CEP135: variants seen among roughly 807,000 people sequenced by gnomAD.
The protein encoded by CEP135 is centrosomal protein 135, also known as centrosomal protein of 135 kDa.
A neutral mutation model predicts 157.3 loss-of-function variants in CEP135; 142 were observed. The observed-to-expected ratio is 0.90, with a 90% CI of 0.79 to 1.04. CEP135 has a LOEUF of 1.04. Ranked by LOEUF, CEP135 falls within the 50% of genes least tolerant of loss-of-function variation. The probability of loss-of-function intolerance (pLI) is 0.00; values close to 1 mark genes in which losing one functional copy is unlikely to be tolerated. For synonymous variants in CEP135, 396 were observed against 439.8 expected (o/e 0.90, Z 1.25); for missense variants, 1,317 against 1,309.2 (o/e 1.01, Z -0.09).
chr4:55,983,637 T>C (rs1363772670), intron 13 of CEP135, among the ~76,000 whole-genome samples: 1 of 137,136 alleles, frequency 7.3e-6, no homozygotes, highest in Non-Finnish European at 1.5e-5. Flanking sequence ...CACAATAGCC[T>C]CTTTTTTTTT....
At chr4:55,968,946 C>T (rs1366547162) in intron 8 of CEP135, 117 bp from the exon 9 acceptor site, 3 of 649,472 alleles carry the variant, frequency 4.6e-6, no homozygotes, top group African/African-American at 3.8e-5. Context: ...GATAAAGCCT[C>T]AGATCTCACT....
At chr4:56,008,926 C>T (rs1469327696) in intron 18 of CEP135, among the ~76,000 whole-genome samples, 2 of 152,168 alleles carry the variant, frequency 1.3e-5, no homozygotes, top group African/African-American at 4.8e-5. Flanking sequence ...GAGACAAGGT[C>T]TCACTCTGTC....
At chr4:56,025,273 T>G (rs1473076414) in intron 25 of CEP135, among the ~76,000 whole-genome samples, 1 of 152,156 alleles carries the variant, frequency 6.6e-6, no homozygotes, top group Non-Finnish European at 1.5e-5. Context: ...GTCCATGCAT[T>G]TTATCGTATA....
chr4:55,999,207 T>G, intron 15 of CEP135, 95 bp from the exon 16 acceptor site: 2 of 929,196 alleles, frequency 2.2e-6, no homozygotes, highest in East Asian at 5.3e-5. Context: ...ACTTTAAAAA[T>G]AAGACATCAA....
At chr4:56,012,346 G>A (rs1404233859) in intron 21 of CEP135, among the ~76,000 whole-genome samples, 4 of 152,244 alleles carry the variant, frequency 2.6e-5, no homozygotes, top group South Asian at 2.1e-4. Context: ...ATGAGCCACC[G>A]CACCCGGCCT....
chr4:56,014,309 G>A (rs1295028749), intron 21 of CEP135, among the ~76,000 whole-genome samples: 2 of 152,198 alleles, frequency 1.3e-5, no homozygotes, highest in Non-Finnish European at 2.9e-5. Context: ...GACTGAAAGA[G>A]TTTTGAAGTG....
rs573159640 is a variant in CEP135 at position 55,980,099 on chromosome 4, A to G, written c.1474-44A>G. ...TCTCATCATCAGTATCCTTGTGACA[A>G]CCATGTGGTGATGATTATATTTTGT... is the stretch of plus-strand genomic sequence containing the variant. On this transcript the variant is annotated intron_variant, in intron 11 of 25. Coordinates refer to ENST00000257287, the MANE Select transcript of CEP135 (RefSeq NM_025009.5). The G allele has an allele frequency of 4.0e-6, 6 of 1,487,646 alleles. No homozygotes were observed. The South Asian group carries it at 5.9e-5, about 15-fold the overall frequency. The allele number at this position is 1,487,646 out of a possible 1,614,324, so 92.2% of individuals were successfully genotyped here. A position where few individuals can be genotyped will look rare whatever the true frequency, so the allele number is the denominator to read the frequency against.
Position 55,964,442 on chromosome 4 carries a change from G to A in CEP135, c.828+40G>A, listed in dbSNP as rs778315177. The A allele has an allele frequency of 6.0e-6, 9 of 1,492,602 alleles. No homozygotes were observed. In the Admixed American group the frequency reaches 1.5e-4, roughly 25 times the overall value. 92.5% of individuals were successfully genotyped at this position (1,492,602 alleles called of 1,614,324 possible). ...AATTATTTCACTGAGTGTATATAAT[G>A]GTGTTTATAATAAACACTATATGTT... is the stretch of plus-strand genomic sequence containing the variant. On this transcript the variant is annotated intron_variant, in intron 7 of 25. Transcript: ENST00000257287.
In CEP135 at chr4:56,011,442, C is replaced by A; in HGVS notation, c.2536C>A (p.Gln846Lys). 6.2e-7 allele frequency: 1 copy of A among 1,611,390 alleles called. No homozygotes were observed. The highest frequency in any genetic ancestry group is 8.5e-7 in the Non-Finnish European group (1 of 1,179,198). Residue 846 changes from glutamine to lysine, a missense_variant, in exon 20 of 26, where the codon CAA (glutamine) becomes AAA (lysine). Transcript: ENST00000257287. ...CTCATTGGAATTGGAAGCAGCAGTG[C>A]AAGAAAAAGAAGAAATGAAGAGCAG... is the stretch of plus-strand genomic sequence containing the variant. Reference protein sequence around the residue: ...EISLELEAAVQEKEEMKSRVH... With the variant: ...EISLELEAAVKEKEEMKSRVH...
rs187316722 is a variant in CEP135, at chr4:56,017,759, A to G, written c.2914A>G (p.Asn972Asp). The change falls in exon 22 of 26, where the codon AAT becomes GAT. Residue 972 changes from asparagine (N) to aspartate (D), a missense_variant. Physicochemically the swap from Asn to Asp is conservative, Grantham distance 23. Transcript: ENST00000257287. ...HQEDEKATVLNDLSSLRELCI... is the reference protein window; with the variant it reads ...HQEDEKATVLDDLSSLRELCI... ...AGAAGATGAGAAAGCAACAGTATTA[A>G]ATGACTTGTCATCTCTTAGAGAACT... The G allele has an allele frequency of 6.2e-7, 1 of 1,614,006 alleles. No individual in the cohort carries two copies. Among genetic ancestry groups the G allele is most frequent in the Non-Finnish European group, 8.5e-7 (1 of 1,179,976 alleles).
At chr4:55,961,443 T>C (rs1417926277) in intron 6 of CEP135, among the ~76,000 whole-genome samples, 1 of 152,066 alleles carries the variant, frequency 6.6e-6, no homozygotes, top group African/African-American at 2.4e-5. Context: ...GATTTTGCTG[T>C]TTTTAAGCTG....
chr4:55,974,433 A>G (rs545843131), intron 10 of CEP135, among the ~76,000 whole-genome samples: 40 of 152,282 alleles, frequency 2.6e-4, no homozygotes, highest in Non-Finnish European at 5.0e-4. Flanking sequence ...GTGCATTTTC[A>G]GGTCCCGGGA....
chr4:56,027,687 T>C (rs1731201306), intron 25 of CEP135, among the ~76,000 whole-genome samples: 2 of 152,120 alleles, frequency 1.3e-5, no homozygotes, highest in Non-Finnish European at 2.9e-5. Flanking sequence ...CATTTTTGTT[T>C]TGTTTTGTTT....
At chr4:55,954,407 A>G in intron 4 of CEP135, 24 bp downstream of exon 4, 2 of 1,569,996 alleles carry the variant, frequency 1.3e-6, no homozygotes, top group East Asian at 2.3e-5. Flanking sequence ...TTCTCGAGAC[A>G]AATTATACAC....
rs1424340265 is a variant in CEP135 at position 55,974,893 on chromosome 4, A to T, written c.1397A>T (p.His466Leu). ...AAGAAAGAGCTAGAGAGACTCCAAC[A>T]TATAATACAGCGAAGATCTTGCTCT... ...YYKKELERLQ[H>L]IIQRRSCSTS... Residue 466 changes from histidine (H) to leucine (L), a missense_variant, in exon 11 of 26, where the codon CAT (histidine) becomes CTT (leucine). Transcript: ENST00000257287. 1 of 1,613,636 alleles carries T rather than the reference A, an allele frequency of 6.2e-7. No individual in the cohort carries two copies. The highest frequency in any genetic ancestry group is 1.3e-5 in the African/African-American group (1 of 74,932).
At chr4:56,019,324 G>T in intron 22 of CEP135, 29 bp from the exon 23 acceptor site, 1 of 1,552,310 alleles carries the variant, frequency 6.4e-7, no homozygotes. Context: ...AAATTGTACT[G>T]AAGTAATCTT....
At chr4:55,971,207 C>T (rs1729015002) in intron 9 of CEP135, 63 bp from the exon 10 acceptor site, 2 of 1,225,584 alleles carry the variant, frequency 1.6e-6, no homozygotes, top group African/African-American at 3.1e-5. Flanking sequence ...AAAAATCTAT[C>T]TTAAGTGCGA....
chr4:55,978,507 G>GC (rs879587252), intron 11 of CEP135, among the ~76,000 whole-genome samples: 10 of 152,126 alleles, frequency 6.6e-5, no homozygotes, highest in Admixed American at 5.2e-4. Flanking sequence ...TGTTTATTGA[G>GC]CCCTCCTTTT....
At chr4:55,995,406 A>T (rs1016517107) in intron 15 of CEP135, among the ~76,000 whole-genome samples, 1 of 152,186 alleles carries the variant, frequency 6.6e-6, no homozygotes, top group Non-Finnish European at 1.5e-5. Flanking sequence ...CAGAGGGTTG[A>T]GGAAGAGACT....
Sources: gnomAD v4.1 joint callset for allele counts (sites outside exome capture counted in the v4.1 genomes callset) on GRCh38, gnomAD v4.1.1 for gene constraint, MANE v1.5 for transcripts, NCBI Gene and HGNC (gene_info 2026-07-23, HGNC 2026-07-21) for gene names.